The following ZNF782 variants were observed in gnomAD, a reference collection of about 807,000 sequenced individuals.
ZNF782 encodes the protein zinc finger protein 782.
ZNF782 carries 12 observed loss-of-function variants against 13.0 expected under a neutral mutation model. The observed-to-expected ratio is 0.92, with a 90% confidence interval of 0.59 to 1.50. ZNF782 has a LOEUF of 1.50. Ranked by LOEUF, ZNF782 falls within the 40% of genes most tolerant of loss-of-function variation. ZNF782 has a pLI of 0.00. For missense variants in ZNF782, 770 were observed against 822.9 expected (o/e 0.94, Z 0.79); for synonymous variants, 284 against 283.0 (o/e 1.00, Z -0.04).
At position 96,844,853 on chromosome 9, in the gene ZNF782, G is replaced by A. The variant is rs1851298459; in HGVS notation, c.142+37C>T. ...AGAGAAAGAGAGGAGAAACAGAACT[G>A]CACTCTGGAGGGAACCCCATGGTAA... On this transcript the variant is annotated intron_variant, in intron 4 of 5. Transcript: ENST00000481138. 5.6e-6 allele frequency: 9 copies of A among 1,613,380 alleles called. No homozygotes were observed. In the South Asian group the frequency reaches 8.8e-5, roughly 16 times the overall value.
At chr9:96,832,020 ATTTG>A (rs1304773746) in intron 4 of ZNF782, among the ~76,000 whole-genome samples, 7 of 151,436 alleles carry the variant, frequency 4.6e-5, no homozygotes, top group South Asian at 4.2e-4. Context: ...CTGCCATTTT[ATTTG>A]TTTTTTTTGT....
the ZNF782 span, chr9:96,892,141 T>C: frequency 2.7e-4 from 41 of 152,322 alleles, no homozygotes; most frequent in African/African-American, 9.4e-4. Context: ...AAAGCTGTCA[T>C]GATAGAACAC....
chr9:96,925,892 T>C, the ZNF782 span, among the ~76,000 whole-genome samples: 1 of 147,106 alleles, frequency 6.8e-6, no homozygotes, highest in Admixed American at 6.7e-5. Context: ...ATCTGTCCTC[T>C]GAACAGGGGA....
chr9:96,855,029 C>T (rs1241294976), upstream of ZNF782, among the ~76,000 whole-genome samples: 2 of 152,176 alleles, frequency 1.3e-5, no homozygotes, highest in Non-Finnish European at 2.9e-5. Context: ...TGTCTCTTTA[C>T]AGCCTACCCG....
rs1158888002 is a variant in ZNF782, at chr9:96,853,070, C to T, written c.-261-1G>A. On this transcript the variant is annotated splice_acceptor_variant, in intron 1 of 5. Transcript: ENST00000481138. LOFTEE classifies it low-confidence loss of function (5UTR_SPLICE). Reference sequence around the variant, plus strand: ...ACATATGTTAACAGCAGTATGGCATCTGTAAAGAGTGGAGAACAAAGCGAC... The same window carrying T: ...ACATATGTTAACAGCAGTATGGCATTTGTAAAGAGTGGAGAACAAAGCGAC... The T allele has an allele frequency of 6.6e-6, 1 of 152,276 alleles. No individual in the cohort carries two copies. Among genetic ancestry groups the T allele is most frequent in the African/African-American group, 2.4e-5 (1 of 41,410 alleles). 9.4% of individuals were successfully genotyped at this position (152,276 alleles called of 1,614,324 possible). A position where few individuals can be genotyped will look rare whatever the true frequency, so the allele number is the denominator to read the frequency against.
the ZNF782 span, chr9:96,890,795 A>T: frequency 1.3e-5 from 2 of 152,266 alleles, no homozygotes; most frequent in Non-Finnish European, 2.9e-5. Flanking sequence ...CAGAATTACC[A>T]TATGATCCAG....
the ZNF782 span, among the ~76,000 whole-genome samples, chr9:96,914,232 C>T: frequency 1.3e-4 from 19 of 151,778 alleles, no homozygotes; most frequent in Non-Finnish European, 2.2e-4. Flanking sequence ...GGCAATTCTC[C>T]TGCCTCAGTC....
chr9:96,905,927 T>G, the ZNF782 span, among the ~76,000 whole-genome samples: 2 of 152,126 alleles, frequency 1.3e-5, no homozygotes, highest in Non-Finnish European at 2.9e-5. Context: ...CTTTACTCTA[T>G]GGACTTGTGT....
chr9:96,875,487 T>C (rs1350819250), exon 1 of ZNF782: 1 of 456,740 alleles, frequency 2.2e-6, no homozygotes, highest in Admixed American at 2.3e-5. Flanking sequence ...AGCTGGAATT[T>C]ATGCAGCTCT....
At chr9:96,927,001 T>C in the ZNF782 span, among the ~76,000 whole-genome samples, 11 of 152,262 alleles carry the variant, frequency 7.2e-5, no homozygotes, top group South Asian at 2.3e-3. Flanking sequence ...CTCATCTCCT[T>C]TGGCCAGTTT....
intron 1 of ZNF782, among the ~76,000 whole-genome samples, chr9:96,874,615 G>A (rs1851870592): frequency 6.6e-6 from 1 of 152,158 alleles, no homozygotes; most frequent in Admixed American, 6.5e-5. Context: ...AGCTCATTCT[G>A]GCGGGTGGAT....
intron 3 of ZNF782, among the ~76,000 whole-genome samples, chr9:96,848,445 A>G (rs1851398609): frequency 6.6e-6 from 1 of 152,254 alleles, no homozygotes; most frequent in Admixed American, 6.5e-5. Context: ...CCTAGATTTG[A>G]TAAATGAATT....
chr9:96,931,689 C>T, the ZNF782 span: 1 of 1,609,928 alleles, frequency 6.2e-7, no homozygotes, highest in South Asian at 1.1e-5. Flanking sequence ...CTGGAGACGC[C>T]AGCTCATTCA....
chr9:96,819,801 A>G (rs756245782), intron 5 of ZNF782, 23 bp from the exon 6 acceptor site: 1 of 1,526,426 alleles, frequency 6.6e-7, no homozygotes, highest in Non-Finnish European at 8.8e-7. Context: ...AAATTAAACA[A>G]ACTTTATGAT....
At chr9:96,866,763 C>G (rs1318685738) in intron 1 of ZNF782, among the ~76,000 whole-genome samples, 1 of 152,222 alleles carries the variant, frequency 6.6e-6, no homozygotes, top group Non-Finnish European at 1.5e-5. Flanking sequence ...GCAGAGCTGC[C>G]CAAACCATGG....
chr9:96,912,220 A>C, the ZNF782 span, among the ~76,000 whole-genome samples: 8 of 148,866 alleles, frequency 5.4e-5, 1 homozygote, highest in African/African-American at 2.0e-4. Context: ...AAAAAAAAAA[A>C]ACTAACTAAA....
chr9:96,873,913 G>A (rs1458195150), intron 1 of ZNF782, among the ~76,000 whole-genome samples: 1 of 152,172 alleles, frequency 6.6e-6, no homozygotes, highest in Non-Finnish European at 1.5e-5. Context: ...AACTATGGCA[G>A]TTTTCTTAGA....
intron 5 of ZNF782, among the ~76,000 whole-genome samples, chr9:96,823,163 G>T (rs1037052730): frequency 1.3e-5 from 2 of 152,144 alleles, no homozygotes; most frequent in African/African-American, 4.8e-5. Context: ...GGTCTCTGTT[G>T]TAACTACTCA....
At chr9:96,901,877 A>G in the ZNF782 span, among the ~76,000 whole-genome samples, 1 of 149,926 alleles carries the variant, frequency 6.7e-6, no homozygotes, top group Non-Finnish European at 1.5e-5. Flanking sequence ...CTCAAAAAAA[A>G]AAAAAAAAAA....
Sources: gnomAD v4.1 joint callset for allele counts (sites outside exome capture counted in the v4.1 genomes callset) on GRCh38, gnomAD v4.1.1 for gene constraint, MANE v1.5 for transcripts, NCBI Gene and HGNC (gene_info 2026-07-23, HGNC 2026-07-21) for gene names.